Variants in PLA2G4A observed in about 807,000 individuals in gnomAD.
The protein encoded by PLA2G4A is phospholipase A2 group IVA, also known as cytosolic phospholipase A2.
PLA2G4A carries 40 observed loss-of-function variants against 81.9 expected under a neutral mutation model. The ratio of observed to expected loss-of-function variants is 0.49; its 90% CI spans 0.38 to 0.64. The LOEUF (loss-of-function observed/expected upper bound fraction) is 0.64, where lower values mean the gene tolerates loss of function less well. Among genes scored for constraint, PLA2G4A ranks in the 30% least tolerant of loss-of-function variants. The pLI is 0.00. For missense variants in PLA2G4A, 715 were observed against 905.1 expected (o/e 0.79, Z 2.69); for synonymous variants, 302 against 296.9 (o/e 1.02, Z -0.18).
At chr1:186,830,957 G>GCTTGCTTTCTTTCTTT (rs1491468816) in intron 1 of PLA2G4A, among the ~76,000 whole-genome samples, 2 of 82,716 alleles carry the variant, frequency 2.4e-5, no homozygotes, top group African/African-American at 8.1e-5. Context: ...TTGCTTGCTT[G>GCTTGCTTTCTTTCTTT]CTTTCTTTCT....
chr1:186,865,467 A>G (rs1246196237), intron 2 of PLA2G4A, among the ~76,000 whole-genome samples: 2 of 152,124 alleles, frequency 1.3e-5, no homozygotes, highest in African/African-American at 4.8e-5. Flanking sequence ...GTATCTTACC[A>G]AAAAAACCTC....
intron 2 of PLA2G4A, among the ~76,000 whole-genome samples, chr1:186,868,034 A>C (rs1653095672): frequency 6.8e-6 from 1 of 146,926 alleles, no homozygotes; most frequent in South Asian, 2.1e-4. Context: ...AGCCTTGTGT[A>C]TCTGACATAA....
chr1:186,978,601 C>G (rs755050845), intron 16 of PLA2G4A, among the ~76,000 whole-genome samples: 3 of 152,192 alleles, frequency 2.0e-5, no homozygotes, highest in African/African-American at 4.8e-5. Context: ...TTATCAGACA[C>G]TAGAGCACAT....
chr1:186,870,918 C>A (rs972567643), intron 3 of PLA2G4A, among the ~76,000 whole-genome samples: 1 of 152,218 alleles, frequency 6.6e-6, no homozygotes, highest in African/African-American at 2.4e-5. Context: ...GTCAGAACAG[C>A]ATTTTACCTG....
At chr1:186,896,479 A>G (rs1654337174) in intron 5 of PLA2G4A, among the ~76,000 whole-genome samples, 1 of 152,230 alleles carries the variant, frequency 6.6e-6, no homozygotes. Context: ...TTCAGGCCTT[A>G]GTTATTGCAT....
intron 14 of PLA2G4A, among the ~76,000 whole-genome samples, chr1:186,963,108 A>T (rs1353850325): frequency 6.6e-6 from 1 of 152,162 alleles, no homozygotes; most frequent in Non-Finnish European, 1.5e-5. Flanking sequence ...TTATATATGA[A>T]ATTTCTGATA....
At chr1:186,931,984 T>C (rs535292745) in intron 7 of PLA2G4A, among the ~76,000 whole-genome samples, 4 of 152,290 alleles carry the variant, frequency 2.6e-5, no homozygotes, top group African/African-American at 9.6e-5. Flanking sequence ...TCTGTAAATG[T>C]AACCTGAAGT....
intron 7 of PLA2G4A, among the ~76,000 whole-genome samples, chr1:186,929,643 G>A (rs974824698): frequency 9.2e-5 from 14 of 152,302 alleles, no homozygotes; most frequent in Non-Finnish European, 1.6e-4. Flanking sequence ...GAGAGACAAA[G>A]TAGAGCATAG....
intron 14 of PLA2G4A, among the ~76,000 whole-genome samples, chr1:186,964,332 T>C (rs1254896179): frequency 2.1e-5 from 3 of 143,934 alleles, no homozygotes; most frequent in Admixed American, 2.0e-4. Context: ...GCACCACACA[T>C]AAATGTGAAG....
At chr1:186,925,637 C>G (rs527837512) in intron 7 of PLA2G4A, among the ~76,000 whole-genome samples, 1 of 152,270 alleles carries the variant, frequency 6.6e-6, no homozygotes, top group Admixed American at 6.5e-5. Flanking sequence ...ACTCTCCCAT[C>G]CTTTAATGAG....
At chr1:186,956,075 G>C (rs765977785) in intron 13 of PLA2G4A, 27 bp from the exon 14 acceptor site, 8 of 1,606,240 alleles carry the variant, frequency 5.0e-6, no homozygotes, top group South Asian at 1.1e-5. Flanking sequence ...TTTGGAGTCT[G>C]TATGGTGACC....
intron 1 of PLA2G4A, among the ~76,000 whole-genome samples, chr1:186,837,755 A>AAAAAAAAAAAAAAAG (rs1553267329): frequency 1.4e-5 from 2 of 147,430 alleles, no homozygotes; most frequent in African/African-American, 5.1e-5. Flanking sequence ...AAAAAAAAGA[A>AAAAAAAAAAAAAAAG]AAAGAAAAGA....
Position 186,979,440 on chromosome 1 carries a change from CT to C in PLA2G4A, c.2088del (p.Met697CysfsTer6). 1 of 1,601,804 alleles carries C rather than the reference CT, an allele frequency of 6.2e-7. No individual in the cohort carries two copies. The highest frequency in any genetic ancestry group is 8.6e-7 in the Non-Finnish European group (1 of 1,168,780). ...TCAAGCATTCAAAAGACTACATGAT[CT>C]TATGCACTTCAATACTCTGAACAAC... ...PNQAFKRLHD[L>X]MHFNTLNNID... On this transcript the variant is annotated frameshift_variant, in exon 17 of 18. Transcript: ENST00000367466. LOFTEE classifies it high-confidence loss of function.
chr1:186,976,271 A>G (rs1482181177), intron 15 of PLA2G4A, among the ~76,000 whole-genome samples: 1 of 152,216 alleles, frequency 6.6e-6, no homozygotes, highest in Non-Finnish European at 1.5e-5. Flanking sequence ...GAGTAGTTAA[A>G]AAGAACTTAA....
At chr1:186,889,162 A>T (rs1654044124) in intron 3 of PLA2G4A, among the ~76,000 whole-genome samples, 2 of 151,870 alleles carry the variant, frequency 1.3e-5, no homozygotes, top group African/African-American at 4.8e-5. Context: ...CATCCTTCCC[A>T]CTCAATCTTT....
chr1:186,956,292 C>G lies in PLA2G4A; in HGVS notation c.1527C>G (p.Asp509Glu). The G allele has an allele frequency of 6.2e-7, 1 of 1,613,758 alleles. No homozygotes were observed. The highest frequency in any genetic ancestry group is 8.5e-7 in the Non-Finnish European group (1 of 1,179,670). ...NTSYPLSPLSDFATQDSFDDD... is the reference protein window; with the variant it reads ...NTSYPLSPLSEFATQDSFDDD... ...CTTATCCACTGTCTCCTTTGAGTGA[C>G]TTTGCCACACAGGACTCCTTTGATG... Residue 509 changes from aspartate to glutamate, a missense_variant, in exon 14 of 18, where the codon GAC becomes GAG. Coordinates refer to ENST00000367466, the MANE Select transcript of PLA2G4A (RefSeq NM_024420.3).
intron 7 of PLA2G4A, among the ~76,000 whole-genome samples, chr1:186,930,922 GT>G (rs1371111279): frequency 6.6e-6 from 1 of 152,054 alleles, no homozygotes; most frequent in Non-Finnish European, 1.5e-5. Context: ...AATGTTAAAT[GT>G]TTGCTTTTAT....
chr1:186,929,537 T>A (rs894776083), intron 7 of PLA2G4A, among the ~76,000 whole-genome samples: 1 of 152,180 alleles, frequency 6.6e-6, no homozygotes, highest in East Asian at 1.9e-4. Context: ...TATATCAAGA[T>A]CAATATTCTT....
chr1:186,872,539 G>A (rs1221010268), intron 3 of PLA2G4A, among the ~76,000 whole-genome samples: 3 of 151,654 alleles, frequency 2.0e-5, no homozygotes, highest in Admixed American at 6.6e-5. Flanking sequence ...AATCAATGAA[G>A]CGTTCTGTTG....
Sources: allele counts gnomAD v4.1 joint callset (sites outside exome capture counted in the v4.1 genomes callset), GRCh38; gene constraint gnomAD v4.1.1; transcripts MANE v1.5; gene names NCBI Gene and HGNC (gene_info 2026-07-23, HGNC 2026-07-21).